Variants in ZCCHC24 observed in about 807,000 individuals in gnomAD.
ZCCHC24 encodes zinc finger CCHC-type containing 24.
Under a neutral mutation model 26.2 loss-of-function variants are expected in ZCCHC24, and 10 were observed. That is an observed-to-expected ratio of 0.38 (90% CI 0.24 to 0.65). ZCCHC24 has a LOEUF of 0.65. ZCCHC24 is among the 30% of genes least tolerant of loss of function. The pLI is 0.54. For synonymous variants in ZCCHC24, 144 were observed against 147.1 expected, an observed-to-expected ratio of 0.98 and a Z score of 0.15; for missense variants, 243 against 329.1, an observed-to-expected ratio of 0.74 and a Z score of 2.03.
At position 79,386,211 on chromosome 10, in the gene ZCCHC24, G is replaced by T; in HGVS notation, c.*134C>A. The T allele has an allele frequency of 1.4e-6, 1 of 733,142 alleles. No individual in the cohort carries two copies. Among genetic ancestry groups the T allele is most frequent in the South Asian group, 1.6e-5 (1 of 61,784 alleles). 45.4% of individuals were successfully genotyped at this position (733,142 alleles called of 1,614,324 possible). A position where few individuals can be genotyped will look rare whatever the true frequency, so the allele number is the denominator to read the frequency against. On this transcript the variant is annotated 3_prime_UTR_variant, in exon 4 of 4. Transcript: ENST00000372336. ...CACACACAAGACAAGGACGCTAAGA[G>T]CCCCCGGCCCAGCCCCGCAGGCCTG...
chr10:79,388,975 T>TA (rs1856435858), intron 3 of ZCCHC24, among the ~76,000 whole-genome samples: 1 of 152,162 alleles, frequency 6.6e-6, no homozygotes, highest in Non-Finnish European at 1.5e-5. Context: ...TGCAGGGACA[T>TA]ACTGCCTACC....
At chr10:79,416,887 C>T (rs984038037) in intron 2 of ZCCHC24, among the ~76,000 whole-genome samples, 1 of 152,076 alleles carries the variant, frequency 6.6e-6, no homozygotes, top group African/African-American at 2.4e-5. Flanking sequence ...GAGCAGTGCC[C>T]GGAACACAGT....
intron 2 of ZCCHC24, among the ~76,000 whole-genome samples, chr10:79,399,910 G>A (rs1044113062): frequency 6.6e-6 from 1 of 152,206 alleles, no homozygotes; most frequent in Non-Finnish European, 1.5e-5. Flanking sequence ...GTGGTGAGCT[G>A]CCTTTTACTG....
intron 2 of ZCCHC24, among the ~76,000 whole-genome samples, chr10:79,412,931 A>G (rs1319906513): frequency 3.3e-5 from 5 of 152,166 alleles, no homozygotes; most frequent in Non-Finnish European, 7.4e-5. Flanking sequence ...CACCATCAAC[A>G]TCATCATCAC....
intron 2 of ZCCHC24, among the ~76,000 whole-genome samples, chr10:79,396,846 G>A (rs1277194655): frequency 6.6e-6 from 1 of 152,134 alleles, no homozygotes. Context: ...TGTGATCTTG[G>A]GCAAGTTACT....
At chr10:79,433,525 G>T (rs117998194) in intron 1 of ZCCHC24, among the ~76,000 whole-genome samples, 5,033 of 152,360 alleles carry the variant, frequency 0.033, 127 homozygotes, top group Middle Eastern at 0.092. Context: ...CGGGCTCCGG[G>T]CTGCCTTGCA....
In ZCCHC24 at chr10:79,386,855, C is replaced by T. The variant is rs555174000; in HGVS notation, c.613-397G>A. ...CCCTGAGTGCTGCCTGAGGAGCCAG[C>T]ACCTGAAGTTCACGTGAGTCCAGGT... On this transcript the variant is annotated intron_variant, in intron 3 of 3. Transcript: ENST00000372336. Among the ~76,000 whole-genome samples, 3 of 152,258 alleles carry T rather than the reference C, an allele frequency of 2.0e-5. No individual in the cohort carries two copies. The East Asian group carries it at 5.8e-4, about 29-fold the overall frequency.
intron 2 of ZCCHC24, among the ~76,000 whole-genome samples, chr10:79,428,449 TA>T (rs1213881215): frequency 1.9e-5 from 1 of 51,316 alleles, no homozygotes; most frequent in Non-Finnish European, 4.0e-5. Context: ...TTTTGCAAGA[TA>T]AATTTCAGTT....
intron 2 of ZCCHC24, among the ~76,000 whole-genome samples, chr10:79,431,036 A>G (rs932049778): frequency 6.6e-6 from 1 of 152,242 alleles, no homozygotes; most frequent in Non-Finnish European, 1.5e-5. Flanking sequence ...ATTAAATGAA[A>G]TACTGCTTGG....
At chr10:79,398,819 C>A (rs1204413599) in intron 2 of ZCCHC24, among the ~76,000 whole-genome samples, 1 of 152,124 alleles carries the variant, frequency 6.6e-6, no homozygotes, top group Non-Finnish European at 1.5e-5. Context: ...AGCCAACTCT[C>A]CTGGAATCCT....
intron 2 of ZCCHC24, among the ~76,000 whole-genome samples, chr10:79,429,962 C>T (rs192123191): frequency 1.4e-4 from 21 of 152,230 alleles, no homozygotes; most frequent in African/African-American, 4.8e-4. Context: ...ATGAATCCAG[C>T]CCAGCACCTG....
intron 3 of ZCCHC24, among the ~76,000 whole-genome samples, chr10:79,390,966 G>C (rs1856472234): frequency 6.6e-6 from 1 of 152,170 alleles, no homozygotes; most frequent in Non-Finnish European, 1.5e-5. Flanking sequence ...CGACAGCTGG[G>C]GGATAGAGAG....
At chr10:79,406,097 G>C (rs991276686) in intron 2 of ZCCHC24, among the ~76,000 whole-genome samples, 3 of 152,240 alleles carry the variant, frequency 2.0e-5, no homozygotes, top group African/African-American at 7.2e-5. Context: ...AGAGTGCTGA[G>C]TCTCCCCTGC....
At chr10:79,430,686 C>CCACACACACA (rs71030975) in intron 2 of ZCCHC24, among the ~76,000 whole-genome samples, 17 of 140,608 alleles carry the variant, frequency 1.2e-4, no homozygotes, top group Admixed American at 2.8e-4. Flanking sequence ...CACACACACA[C>CCACACACACA]CACACACACA....
intron 1 of ZCCHC24, 140 bp downstream of exon 1, chr10:79,445,055 C>A: frequency 2.1e-6 from 2 of 936,646 alleles, no homozygotes; most frequent in Non-Finnish European, 1.4e-6. Flanking sequence ...CAGAGTTGAA[C>A]GAAGCCAAGC....
chr10:79,430,987 A>T (rs1857119225), intron 2 of ZCCHC24, among the ~76,000 whole-genome samples: 1 of 152,222 alleles, frequency 6.6e-6, no homozygotes, highest in Non-Finnish European at 1.5e-5. Context: ...CCCCATGGAA[A>T]ATGAGGCAAA....
Position 79,423,581 on chromosome 10 carries a change from C to CTATATATATATTT in ZCCHC24, c.447+8976_447+8977insAAATATATATATA. On this transcript the variant is annotated intron_variant, in intron 2 of 3. Coordinates refer to ENST00000372336, the MANE Select transcript of ZCCHC24 (RefSeq NM_153367.4). The stretch of plus-strand genomic sequence containing the variant: ...AACAAAAACAAACAAAATATATATA[C>CTATATATATATTT]TATATATATATATATATATATATAT... 3.1e-3 allele frequency among the ~76,000 whole-genome samples: 167 copies of CTATATATATATTT among 53,730 alleles called. 11 individuals are homozygous for CTATATATATATTT. Among genetic ancestry groups the CTATATATATATTT allele is most frequent in the African/African-American group, 9.8e-3 (127 of 13,014 alleles). The allele number at this position is 53,730 out of a possible 152,430, so 35.2% of individuals were successfully genotyped here.
chr10:79,445,393 C>T lies in ZCCHC24; in HGVS notation c.48G>A (p.Gln16=). 1.3e-6 allele frequency: 2 copies of T among 1,512,322 alleles called. No individual in the cohort carries two copies. Among genetic ancestry groups the T allele is most frequent in the South Asian group, 1.3e-5 (1 of 79,702 alleles). 93.7% of individuals were successfully genotyped at this position (1,512,322 alleles called of 1,614,324 possible). A position where few individuals can be genotyped will look rare whatever the true frequency, so the allele number is the denominator to read the frequency against. Residue 16 remains glutamine (Q), a synonymous_variant, in exon 1 of 4, where the codon CAG becomes CAA. Coordinates refer to ENST00000372336, the MANE Select transcript of ZCCHC24 (RefSeq NM_153367.4). The part of the protein sequence containing the change: ...AIDTSAASVY[Q]PAQLLNWVYL... ...AGACCCAGTTGAGCAGCTGGGCGGG[C>T]TGGTACACCGAGGCGGCGCTCGTGT...
In ZCCHC24 at chr10:79,439,636, C is replaced by T. The variant is rs898736824; in HGVS notation, c.246+5559G>A. On this transcript the variant is annotated intron_variant, in intron 1 of 3. Coordinates refer to ENST00000372336, the MANE Select transcript of ZCCHC24 (RefSeq NM_153367.4). The stretch of plus-strand genomic sequence containing the variant: ...AGACCAATCCTTCAGACATGCTTTA[C>T]AAAAAATTAGCCAGGTGTGGTGGCA... 3.9e-5 allele frequency among the ~76,000 whole-genome samples: 6 copies of T among 152,034 alleles called. No individual in the cohort carries two copies. The East Asian group carries it at 1.2e-3, about 29-fold the overall frequency.
Sources: gnomAD v4.1 joint callset for allele counts (sites outside exome capture counted in the v4.1 genomes callset) on GRCh38, gnomAD v4.1.1 for gene constraint, MANE v1.5 for transcripts, NCBI Gene and HGNC (gene_info 2026-07-23, HGNC 2026-07-21) for gene names.